Variants in RABGEF1 observed in about 807,000 individuals in gnomAD.
RABGEF1 encodes the protein RAB guanine nucleotide exchange factor 1, also known as rab5 GDP/GTP exchange factor.
Under a neutral mutation model 57.3 loss-of-function variants are expected in RABGEF1, and 26 were observed. The ratio of observed to expected loss-of-function variants is 0.45; its 90% CI spans 0.33 to 0.63. The LOEUF (loss-of-function observed/expected upper bound fraction) is 0.63. Ranked by LOEUF, RABGEF1 falls within the 20% of genes least tolerant of loss-of-function variation. The pLI is 0.02. For synonymous variants in RABGEF1, 185 were observed against 210.7 expected (o/e 0.88, Z 1.06); for missense variants, 464 against 607.6 (o/e 0.76, Z 2.48).
upstream of RABGEF1, among the ~76,000 whole-genome samples, chr7:66,679,224 G>A (rs190533318): frequency 6.6e-6 from 1 of 152,168 alleles, no homozygotes; most frequent in Non-Finnish European, 1.5e-5. Context: ...ATTTGCATAG[G>A]AGCACAGCTG....
At position 66,792,537 on chromosome 7, in the gene RABGEF1, G is replaced by A. The variant is rs73379714; in HGVS notation, c.514-2974G>A. On this transcript the variant is annotated intron_variant, in intron 4 of 8. Coordinates refer to ENST00000284957, the MANE Select transcript of RABGEF1 (RefSeq NM_014504.3). ...GCATGCAGTGAGTTGTATTAGAGGA[G>A]AGGAACCTTGGATTTAGGGATCCTT... 1.4e-3 allele frequency among the ~76,000 whole-genome samples: 211 copies of A among 152,344 alleles called. 1 individual carries two copies. Among genetic ancestry groups the A allele is most frequent in the African/African-American group, 4.9e-3 (205 of 41,586 alleles).
At chr7:66,737,644 C>A (rs1798160874), upstream of RABGEF1, among the ~76,000 whole-genome samples, 1 of 152,136 alleles carries the variant, frequency 6.6e-6, no homozygotes, top group Admixed American at 6.6e-5. Context: ...TTTTAAAAAA[C>A]CTCTGTTGTT....
At chr7:66,767,000 CTTTTTTT>C (rs34123866) in intron 1 of RABGEF1, among the ~76,000 whole-genome samples, 8 of 102,608 alleles carry the variant, frequency 7.8e-5, no homozygotes, top group African/African-American at 2.6e-4. Flanking sequence ...TGTCAAGTTT[CTTTTTTT>C]TTTTTTTTTT....
chr7:66,686,170 A>G (rs1169598185), intron 1 of RABGEF1, among the ~76,000 whole-genome samples: 4 of 151,728 alleles, frequency 2.6e-5, no homozygotes, highest in Non-Finnish European at 4.4e-5. Flanking sequence ...GATCTCAGCT[A>G]CTCGGGAGTC....
At chr7:66,682,049 A>G (rs1463319575), upstream of RABGEF1, 2 of 166,390 alleles carry the variant, frequency 1.2e-5, no homozygotes, top group South Asian at 2.0e-4. Context: ...TCCCGTCATC[A>G]GCCAAAGGCC....
At chr7:66,806,220 T>TA (rs1243503505) in intron 8 of RABGEF1, among the ~76,000 whole-genome samples, 2 of 152,142 alleles carry the variant, frequency 1.3e-5, no homozygotes, top group Non-Finnish European at 2.9e-5. Context: ...GTATTTCTGA[T>TA]AAATTGCCAA....
chr7:66,706,592 G>A (rs1794124555), intron 1 of RABGEF1, among the ~76,000 whole-genome samples: 1 of 150,348 alleles, frequency 6.7e-6, no homozygotes, highest in African/African-American at 2.5e-5. Flanking sequence ...TGTATTTTTA[G>A]TAGAGACGGG....
At chr7:66,692,426 A>G (rs577981777) in intron 1 of RABGEF1, among the ~76,000 whole-genome samples, 1 of 152,296 alleles carries the variant, frequency 6.6e-6, no homozygotes, top group East Asian at 1.9e-4. Context: ...ATTGAGTGAT[A>G]TTGGTGTGAG....
At chr7:66,756,162 T>A (rs4718395) in intron 1 of RABGEF1, 37,590 of 857,908 alleles carry the variant, frequency 0.044, 1,126 homozygotes, top group East Asian at 0.11. Flanking sequence ...AAATCAGTTA[T>A]TCAAAGAAAA....
At chr7:66,657,581 G>A in the RABGEF1 span, among the ~76,000 whole-genome samples, 9 of 152,330 alleles carry the variant, frequency 5.9e-5, no homozygotes, top group South Asian at 6.2e-4. Flanking sequence ...AGTATTTTGG[G>A]AGGCTGAAGC....
At chr7:66,725,166 A>T (rs933655519) in intron 2 of RABGEF1, among the ~76,000 whole-genome samples, 1 of 152,118 alleles carries the variant, frequency 6.6e-6, no homozygotes, top group Admixed American at 6.6e-5. Context: ...CCACTTCCTT[A>T]CATGTCTGTA....
intron 1 of RABGEF1, among the ~76,000 whole-genome samples, chr7:66,689,306 G>T (rs1247389739): frequency 2.6e-5 from 4 of 151,134 alleles, no homozygotes; most frequent in Admixed American, 2.6e-4. Flanking sequence ...TTTTTAGCTA[G>T]ATTTACTAAG....
intron 7 of RABGEF1, among the ~76,000 whole-genome samples, chr7:66,803,047 T>A (rs1440183436): frequency 6.6e-6 from 1 of 152,200 alleles, no homozygotes; most frequent in Non-Finnish European, 1.5e-5. Flanking sequence ...AATTCTTATT[T>A]AGAATAAGTT....
chr7:66,714,949 A>C (rs1795202001), intron 2 of RABGEF1, among the ~76,000 whole-genome samples: 1 of 152,152 alleles, frequency 6.6e-6, no homozygotes, highest in Non-Finnish European at 1.5e-5. Flanking sequence ...AAACAAAACA[A>C]AACAAAAAAC....
chr7:66,726,946 G>A (rs1796652115), intron 2 of RABGEF1, among the ~76,000 whole-genome samples: 1 of 152,154 alleles, frequency 6.6e-6, no homozygotes, highest in Non-Finnish European at 1.5e-5. Flanking sequence ...GGAGATTGCA[G>A]TGAGCCGAGA....
chr7:66,721,424 G>C (rs974223254), intron 2 of RABGEF1, among the ~76,000 whole-genome samples: 7 of 152,176 alleles, frequency 4.6e-5, no homozygotes, highest in African/African-American at 1.7e-4. Flanking sequence ...CCTTCTGGAG[G>C]CTCTTGGGGG....
intron 1 of RABGEF1, among the ~76,000 whole-genome samples, chr7:66,755,312 A>G (rs1802444608): frequency 6.6e-6 from 1 of 151,732 alleles, no homozygotes; most frequent in Non-Finnish European, 1.5e-5. Flanking sequence ...AACAAAAAAC[A>G]AAAAACAAAA....
At chr7:66,771,580 C>T (rs1307300956) in intron 1 of RABGEF1, among the ~76,000 whole-genome samples, 1 of 152,082 alleles carries the variant, frequency 6.6e-6, no homozygotes, top group Non-Finnish European at 1.5e-5. Flanking sequence ...TAGGAGTTTT[C>T]TAGTTTGCAG....
intron 1 of RABGEF1, among the ~76,000 whole-genome samples, chr7:66,688,616 GA>G (rs1330359030): frequency 6.6e-6 from 1 of 152,160 alleles, no homozygotes; most frequent in Non-Finnish European, 1.5e-5. Context: ...AGCAAAACTC[GA>G]AAACTCACAA....
Sources: gnomAD v4.1 joint callset for allele counts (sites outside exome capture counted in the v4.1 genomes callset) on GRCh38, gnomAD v4.1.1 for gene constraint, MANE v1.5 for transcripts, NCBI Gene and HGNC (gene_info 2026-07-23, HGNC 2026-07-21) for gene names.